SCLT1: variants seen among roughly 807,000 people sequenced by gnomAD.
SCLT1 encodes the protein sodium channel-associated protein 1.
A neutral mutation model predicts 112.8 loss-of-function variants in SCLT1; 78 were observed. The ratio of observed to expected loss-of-function variants is 0.69; its 90% confidence interval spans 0.58 to 0.83. The LOEUF is 0.83. Ranked by LOEUF, SCLT1 falls within the 40% of genes least tolerant of loss-of-function variation. The pLI is 0.00. For missense variants in SCLT1, 747 were observed against 770.4 expected, an observed-to-expected ratio of 0.97 and a Z score of 0.36; for synonymous variants, 257 against 254.7, an observed-to-expected ratio of 1.01 and a Z score of -0.09.
chr4:128,995,973 A>G (rs1470655218), intron 8 of SCLT1, among the ~76,000 whole-genome samples: 2 of 152,064 alleles, frequency 1.3e-5, no homozygotes, highest in Non-Finnish European at 2.9e-5. Flanking sequence ...TGGCCAGACT[A>G]TGCTGGATCT....
downstream of SCLT1, among the ~76,000 whole-genome samples, chr4:128,883,422 G>T (rs191834989): frequency 2.0e-5 from 3 of 152,156 alleles, no homozygotes; most frequent in Admixed American, 2.0e-4. Flanking sequence ...GAAAGGGTAG[G>T]GGAGGGACAG....
At chr4:129,024,046 C>T (rs1745764247) in intron 5 of SCLT1, among the ~76,000 whole-genome samples, 1 of 152,220 alleles carries the variant, frequency 6.6e-6, no homozygotes, top group Admixed American at 6.5e-5. Context: ...GAAGCTCGAA[C>T]TGGGTGGAGC....
chr4:128,910,695 T>C (rs918212835), intron 18 of SCLT1, among the ~76,000 whole-genome samples: 3 of 152,132 alleles, frequency 2.0e-5, no homozygotes, highest in Non-Finnish European at 4.4e-5. Flanking sequence ...CACTCTTTTT[T>C]ACACTTAGCT....
At chr4:128,908,353 C>A (rs1377846406) in intron 18 of SCLT1, among the ~76,000 whole-genome samples, 2 of 147,622 alleles carry the variant, frequency 1.4e-5, no homozygotes, top group East Asian at 3.9e-4. Flanking sequence ...TTTGCTGGTA[C>A]CTGCAGCTGC....
chr4:128,880,015 G>A (rs1732607339), downstream of SCLT1, among the ~76,000 whole-genome samples: 1 of 152,148 alleles, frequency 6.6e-6, no homozygotes, highest in African/African-American at 2.4e-5. Flanking sequence ...AAAGGAACAT[G>A]CTGTGATTAC....
rs1257882756 is a variant in SCLT1 at position 128,901,060 on chromosome 4, T to G, written c.1830-9923A>C. Among the ~76,000 whole-genome samples, 3 of 152,206 alleles carry G rather than the reference T, an allele frequency of 2.0e-5. No individual in the cohort carries two copies. In the East Asian group the frequency reaches 5.8e-4, roughly 29 times the overall value. On this transcript the variant is annotated intron_variant, in intron 18 of 20. Transcript: ENST00000281142. ...AGAGGATGTGGAGAAATAGGTACAC[T>G]TTTACACCATTGGGACTGTTAACTA...
chr4:129,058,520 T>C (rs76636628), intron 2 of SCLT1, among the ~76,000 whole-genome samples: 1,907 of 152,320 alleles, frequency 0.013, 33 homozygotes, highest in African/African-American at 0.044. Context: ...ATGTACAGTT[T>C]CTAATGTTCC....
intron 2 of SCLT1, among the ~76,000 whole-genome samples, chr4:129,047,707 A>G (rs1446998): frequency 0.014 from 2,187 of 152,002 alleles, 46 homozygotes; most frequent in African/African-American, 0.044. Flanking sequence ...GGATCTCACT[A>G]TGGTTTTGAT....
chr4:129,043,943 T>A (rs537704403), intron 3 of SCLT1, 50 bp downstream of exon 3: 5 of 901,896 alleles, frequency 5.5e-6, no homozygotes, highest in Non-Finnish European at 9.0e-6. Flanking sequence ...ATTATGCTAA[T>A]AATAATTAAA....
At chr4:128,954,256 A>G (rs1038018248) in intron 13 of SCLT1, among the ~76,000 whole-genome samples, 1 of 151,840 alleles carries the variant, frequency 6.6e-6, no homozygotes, top group African/African-American at 2.4e-5. Context: ...TATATGGTTA[A>G]TTAATATGAG....
At position 128,955,151 on chromosome 4, in the gene SCLT1, A is replaced by G. The variant is rs73847304; in HGVS notation, c.1146+1875T>C. Among the ~76,000 whole-genome samples, 574 of 152,354 alleles carry G rather than the reference A, an allele frequency of 3.8e-3. 1 individual carries two copies. Among genetic ancestry groups the G allele is most frequent in the African/African-American group, 0.011 (475 of 41,588 alleles). The stretch of plus-strand genomic sequence containing the variant: ...TCATATGGAATTTCCTAGAGTTAGC[A>G]TCTAATGAAACAAAATGTAAACTTT... On this transcript the variant is annotated intron_variant, in intron 13 of 20. Coordinates refer to ENST00000281142, the MANE Select transcript of SCLT1 (RefSeq NM_144643.4).
intron 20 of SCLT1, among the ~76,000 whole-genome samples, chr4:128,885,571 T>G (rs1732831393): frequency 6.6e-6 from 1 of 152,194 alleles, no homozygotes; most frequent in African/African-American, 2.4e-5. Flanking sequence ...ATATAACCAG[T>G]CTGCTATTGT....
chr4:129,070,056 A>ACT (rs1407272008), intron 2 of SCLT1, among the ~76,000 whole-genome samples: 1 of 152,154 alleles, frequency 6.6e-6, no homozygotes, highest in Admixed American at 6.5e-5. Context: ...TGAGTATCAC[A>ACT]CGTATTGACT....
intron 2 of SCLT1, among the ~76,000 whole-genome samples, chr4:129,066,786 C>A (rs1475889548): frequency 1.3e-5 from 2 of 151,984 alleles, no homozygotes; most frequent in Admixed American, 6.6e-5. Flanking sequence ...AGCATGCTAT[C>A]ATCACTTATT....
intron 9 of SCLT1, among the ~76,000 whole-genome samples, chr4:128,986,062 C>A (rs1248178078): frequency 6.6e-6 from 1 of 152,296 alleles, no homozygotes; most frequent in South Asian, 2.1e-4. Context: ...AACATAATAT[C>A]AAGGAAAGAG....
intron 11 of SCLT1, 111 bp downstream of exon 11, chr4:128,965,116 T>C (rs2126023257): frequency 1.6e-6 from 1 of 606,834 alleles, no homozygotes; most frequent in Admixed American, 3.2e-5. Flanking sequence ...GATTATAGTT[T>C]TGATTTGGAG....
At chr4:128,937,277 C>CA (rs33922032) in intron 17 of SCLT1, among the ~76,000 whole-genome samples, 2 of 113,322 alleles carry the variant, frequency 1.8e-5, no homozygotes, top group East Asian at 2.5e-4. Context: ...GACTCTGTCT[C>CA]AAAAAAAAAA....
chr4:129,092,568 G>A (rs993374437), intron 1 of SCLT1, among the ~76,000 whole-genome samples: 2 of 152,108 alleles, frequency 1.3e-5, no homozygotes, highest in Non-Finnish European at 2.9e-5. Flanking sequence ...ATGAGACTGT[G>A]GCAAAAGAGC....
chr4:129,003,969 A>C, intron 5 of SCLT1, 93 bp from the exon 6 acceptor site: 1 of 1,089,738 alleles, frequency 9.2e-7, no homozygotes, highest in Non-Finnish European at 1.4e-6. Flanking sequence ...GTCAACAATA[A>C]CTCTTTAAAC....
Sources: gnomAD v4.1 joint callset for allele counts (sites outside exome capture counted in the v4.1 genomes callset) on GRCh38, gnomAD v4.1.1 for gene constraint, MANE v1.5 for transcripts, NCBI Gene and HGNC (gene_info 2026-07-23, HGNC 2026-07-21) for gene names.